SLC9A9: variants seen among roughly 807,000 people sequenced by gnomAD.
SLC9A9 encodes the protein sodium/hydrogen exchanger 9.
A neutral mutation model predicts 77.8 loss-of-function variants in SLC9A9; 62 were observed. That is an observed-to-expected ratio of 0.80 (90% confidence interval 0.65 to 0.98). SLC9A9 has a LOEUF of 0.98. Ranked by LOEUF, SLC9A9 falls within the 50% of genes least tolerant of loss-of-function variation. The pLI is 0.00. For missense variants in SLC9A9, 775 were observed against 774.9 expected, an observed-to-expected ratio of 1.00 and a Z score of 0.00; for synonymous variants, 320 against 283.5, an observed-to-expected ratio of 1.13 and a Z score of -1.29.
intron 5 of SLC9A9, among the ~76,000 whole-genome samples, chr3:143,665,405 C>T (rs1356239083): frequency 6.6e-6 from 1 of 152,096 alleles, no homozygotes; most frequent in Non-Finnish European, 1.5e-5. Flanking sequence ...AATTGACACC[C>T]TAACATCACA....
intron 4 of SLC9A9, among the ~76,000 whole-genome samples, chr3:143,761,507 A>C (rs1302934811): frequency 1.3e-5 from 2 of 152,224 alleles, no homozygotes; most frequent in Admixed American, 1.3e-4. Context: ...AAAAAAACAA[A>C]CAACCCCATC....
intron 14 of SLC9A9, among the ~76,000 whole-genome samples, chr3:143,308,458 C>T (rs1180054250): frequency 1.3e-5 from 2 of 152,022 alleles, no homozygotes; most frequent in African/African-American, 4.8e-5. Context: ...CACCTGTAGT[C>T]CCAGCTACTT....
intron 5 of SLC9A9, among the ~76,000 whole-genome samples, chr3:143,684,812 T>C (rs905880164): frequency 6.6e-6 from 1 of 152,060 alleles, no homozygotes; most frequent in Non-Finnish European, 1.5e-5. Context: ...GTTTATAGGT[T>C]ATTATGCATC....
chr3:143,540,332 T>C (rs1189151938), intron 9 of SLC9A9, among the ~76,000 whole-genome samples: 3 of 152,108 alleles, frequency 2.0e-5, no homozygotes, highest in Non-Finnish European at 2.9e-5. Flanking sequence ...GTGAACAGGA[T>C]AGATGATGAG....
At chr3:143,368,440 G>A (rs949119724) in intron 13 of SLC9A9, among the ~76,000 whole-genome samples, 1 of 152,186 alleles carries the variant, frequency 6.6e-6, no homozygotes, top group African/African-American at 2.4e-5. Flanking sequence ...ATTCAAATAT[G>A]AGGAATTTGC....
At chr3:143,743,294 G>A (rs1043740324) in intron 4 of SLC9A9, among the ~76,000 whole-genome samples, 1 of 150,448 alleles carries the variant, frequency 6.6e-6, no homozygotes, top group East Asian at 1.9e-4. Flanking sequence ...TAGATAGACA[G>A]ACAGATAGAT....
intron 6 of SLC9A9, among the ~76,000 whole-genome samples, chr3:143,632,945 G>T (rs2038451875): frequency 6.6e-6 from 1 of 152,206 alleles, no homozygotes; most frequent in Non-Finnish European, 1.5e-5. Context: ...CAACTGGTTG[G>T]TTGGCCAAAG....
At chr3:143,681,432 A>G (rs1933089455) in intron 5 of SLC9A9, among the ~76,000 whole-genome samples, 2 of 152,138 alleles carry the variant, frequency 1.3e-5, no homozygotes, top group South Asian at 4.1e-4. Context: ...GTTCCATGAT[A>G]TTGTACCACT....
chr3:143,509,212 C>T (rs2036075391), intron 9 of SLC9A9, among the ~76,000 whole-genome samples: 1 of 151,882 alleles, frequency 6.6e-6, no homozygotes, highest in Non-Finnish European at 1.5e-5. Context: ...AAATGAAAGA[C>T]AAAAATATAT....
chr3:143,334,824 G>A (rs1034035430), intron 14 of SLC9A9, among the ~76,000 whole-genome samples: 1 of 152,110 alleles, frequency 6.6e-6, no homozygotes, highest in Non-Finnish European at 1.5e-5. Context: ...CTAATGAGAA[G>A]ACTATGTAAT....
At chr3:143,305,723 A>T (rs1327192464) in intron 14 of SLC9A9, among the ~76,000 whole-genome samples, 2 of 152,194 alleles carry the variant, frequency 1.3e-5, no homozygotes, top group African/African-American at 4.8e-5. Flanking sequence ...TTCTATTTAA[A>T]GCCCCTCACC....
intron 4 of SLC9A9, among the ~76,000 whole-genome samples, chr3:143,714,443 C>A (rs1308510612): frequency 6.6e-6 from 1 of 152,144 alleles, no homozygotes; most frequent in East Asian, 1.9e-4. Context: ...GAATTGGTTT[C>A]AAATTCAGGC....
intron 6 of SLC9A9, among the ~76,000 whole-genome samples, chr3:143,612,552 G>A (rs1186985552): frequency 6.6e-6 from 1 of 152,188 alleles, no homozygotes; most frequent in Non-Finnish European, 1.5e-5. Flanking sequence ...CGAAAGCAGA[G>A]GTAAGTAATT....
chr3:143,476,872 A>G (rs987518366), intron 11 of SLC9A9, among the ~76,000 whole-genome samples: 7 of 152,182 alleles, frequency 4.6e-5, no homozygotes, highest in African/African-American at 1.7e-4. Flanking sequence ...ATGCTGTTAA[A>G]CATTCTGCAA....
chr3:143,527,836 C>G (rs1525864), intron 9 of SLC9A9, among the ~76,000 whole-genome samples: 15,173 of 151,962 alleles, frequency 0.1, 1,404 homozygotes, highest in East Asian at 0.43. Flanking sequence ...AAGCAGTGGT[C>G]CAGGTAGAGG....
At chr3:143,516,064 G>C (rs2036197736) in intron 9 of SLC9A9, among the ~76,000 whole-genome samples, 1 of 152,110 alleles carries the variant, frequency 6.6e-6, no homozygotes, top group Admixed American at 6.5e-5. Flanking sequence ...AAAGATTGCA[G>C]GGCTATTTAG....
intron 12 of SLC9A9, among the ~76,000 whole-genome samples, chr3:143,394,428 A>T (rs1377506065): frequency 2.6e-5 from 4 of 152,210 alleles, no homozygotes; most frequent in African/African-American, 9.7e-5. Flanking sequence ...ACTCTCAATA[A>T]ATTAGGTATT....
chr3:143,543,196 G>T (rs985887693), intron 9 of SLC9A9, among the ~76,000 whole-genome samples: 1 of 152,098 alleles, frequency 6.6e-6, no homozygotes, highest in African/African-American at 2.4e-5. Flanking sequence ...CTTCCAAGGG[G>T]AGCATACTGG....
intron 6 of SLC9A9, among the ~76,000 whole-genome samples, chr3:143,611,145 T>C (rs2038016292): frequency 6.6e-6 from 1 of 152,070 alleles, no homozygotes; most frequent in Admixed American, 6.6e-5. Context: ...GAAATAAAAA[T>C]ACAAGGATTG....
Sources: gnomAD v4.1 joint callset for allele counts (sites outside exome capture counted in the v4.1 genomes callset) on GRCh38, gnomAD v4.1.1 for gene constraint, MANE v1.5 for transcripts, NCBI Gene and HGNC (gene_info 2026-07-23, HGNC 2026-07-21) for gene names.